PID1: variants seen among roughly 807,000 people sequenced by gnomAD.
PID1 encodes the protein PTB-containing, cubilin and LRP1-interacting protein.
A neutral mutation model predicts 19.1 loss-of-function variants in PID1; 10 were observed. That is an observed-to-expected ratio of 0.52 (90% CI 0.32 to 0.89). The LOEUF (loss-of-function observed/expected upper bound fraction) is 0.89. Ranked by LOEUF, PID1 falls within the 40% of genes least tolerant of loss-of-function variation. The pLI, the probability that PID1 is intolerant of heterozygous loss-of-function variation, is 0.03. For synonymous variants in PID1, 130 were observed against 116.0 expected (o/e 1.12, Z -0.78); for missense variants, 248 against 285.3 (o/e 0.87, Z 0.94).
At chr2:229,100,324 T>C (rs1695051441) in intron 2 of PID1, among the ~76,000 whole-genome samples, 1 of 152,192 alleles carries the variant, frequency 6.6e-6, no homozygotes, top group African/African-American at 2.4e-5. Flanking sequence ...ATTATATACA[T>C]TAACATTTTA....
At chr2:229,103,726 G>A (rs1287891889) in intron 2 of PID1, among the ~76,000 whole-genome samples, 6 of 151,884 alleles carry the variant, frequency 4.0e-5, no homozygotes, top group South Asian at 2.1e-4. Flanking sequence ...ACAGGTGCCC[G>A]CCACCATGCC....
chr2:229,178,457 G>GT (rs1035895406), intron 1 of PID1, among the ~76,000 whole-genome samples: 9 of 151,944 alleles, frequency 5.9e-5, no homozygotes, highest in South Asian at 4.2e-4. Context: ...TCTTCAATTA[G>GT]TTTTTTTTAA....
At chr2:229,118,603 G>A (rs1695456027) in intron 2 of PID1, among the ~76,000 whole-genome samples, 1 of 152,178 alleles carries the variant, frequency 6.6e-6, no homozygotes, top group Non-Finnish European at 1.5e-5. Context: ...CAAAGGGAAT[G>A]ATGAATAGGG....
intron 2 of PID1, among the ~76,000 whole-genome samples, chr2:229,140,172 A>G (rs1293186571): frequency 6.6e-6 from 1 of 152,206 alleles, no homozygotes; most frequent in Non-Finnish European, 1.5e-5. Context: ...TTCTATTTAT[A>G]GTTATTTTTA....
Position 229,109,946 on chromosome 2 carries a change from A to G in PID1, c.177+45872T>C, listed in dbSNP as rs115680390. The stretch of plus-strand genomic sequence containing the variant: ...GATATTCCACCTTATCATGCAGAAC[A>G]TATTAAAGAGGACTCCAATTAGTTA... On this transcript the variant is annotated intron_variant, in intron 2 of 2. Transcript: ENST00000392055. Among the ~76,000 whole-genome samples, 539 of 152,274 alleles carry G rather than the reference A, an allele frequency of 3.5e-3. 2 individuals carry two copies. Among genetic ancestry groups the G allele is most frequent in the Non-Finnish European group, 5.9e-3 (400 of 68,018 alleles).
rs564284072 is a variant in PID1 at position 229,204,431 on chromosome 2, G to T, written c.31-48467C>A. On this transcript the variant is annotated intron_variant, in intron 1 of 2. Transcript: ENST00000392055. ...AACATGGTAAAATGATCTTTGCAGG[G>T]ATCACTGACCTCTTGAAGAATCAGA... Among the ~76,000 whole-genome samples, 104 of 152,106 alleles carry T rather than the reference G, an allele frequency of 6.8e-4. 1 individual carries two copies. The South Asian group carries it at 0.021, about 31-fold the overall frequency.
intron 2 of PID1, among the ~76,000 whole-genome samples, chr2:229,096,340 C>A (rs1286944209): frequency 6.6e-6 from 1 of 152,106 alleles, no homozygotes; most frequent in Non-Finnish European, 1.5e-5. Context: ...ACTTTTTGGA[C>A]AGTGCCAGCA....
At chr2:229,037,612 C>A (rs1006209419) in intron 2 of PID1, among the ~76,000 whole-genome samples, 1 of 152,130 alleles carries the variant, frequency 6.6e-6, no homozygotes, top group Non-Finnish European at 1.5e-5. Flanking sequence ...TGAAGTGTGC[C>A]CCTGAAGACA....
intron 2 of PID1, among the ~76,000 whole-genome samples, chr2:229,033,405 A>C (rs1032975531): frequency 1.3e-4 from 20 of 152,290 alleles, no homozygotes; most frequent in African/African-American, 4.8e-4. Context: ...GAGATATAAA[A>C]GACTTTGCTG....
chr2:229,139,105 A>AAGAAAG (rs1553565792), intron 2 of PID1, among the ~76,000 whole-genome samples: 2 of 68,054 alleles, frequency 2.9e-5, no homozygotes, highest in African/African-American at 1.4e-4. Context: ...GAAAGAAAGA[A>AAGAAAG]AGAAAGAAAG....
At chr2:229,073,391 G>C (rs1035473039) in intron 2 of PID1, among the ~76,000 whole-genome samples, 1 of 152,190 alleles carries the variant, frequency 6.6e-6, no homozygotes, top group African/African-American at 2.4e-5. Context: ...GAGTTGAGAG[G>C]CAATTTATTG....
intron 1 of PID1, among the ~76,000 whole-genome samples, chr2:229,211,332 G>A (rs570264202): frequency 7.9e-5 from 12 of 152,022 alleles, no homozygotes; most frequent in South Asian, 2.1e-4. Flanking sequence ...TCACTTACTT[G>A]TTCATTCAGC....
intron 1 of PID1, among the ~76,000 whole-genome samples, chr2:229,210,525 CAAAAAAAAAAAAAA>C (rs1170895327): frequency 3.5e-3 from 54 of 15,552 alleles, no homozygotes; most frequent in African/African-American, 0.015. Flanking sequence ...AGTTTTGTCT[CAAAAAAAAAAAAAA>C]AAAAAAAAAA....
chr2:229,192,381 A>T (rs1319732020), intron 1 of PID1, among the ~76,000 whole-genome samples: 1 of 152,188 alleles, frequency 6.6e-6, no homozygotes, highest in East Asian at 1.9e-4. Context: ...GGTTGCTTCT[A>T]CTGTCCCAAC....
chr2:229,181,927 A>G (rs1690954488), intron 1 of PID1, among the ~76,000 whole-genome samples: 1 of 152,254 alleles, frequency 6.6e-6, no homozygotes, highest in Non-Finnish European at 1.5e-5. Flanking sequence ...ACTAAGTGAA[A>G]TGTATATTAC....
At chr2:229,224,919 T>C (rs1332224880) in intron 1 of PID1, among the ~76,000 whole-genome samples, 2 of 152,198 alleles carry the variant, frequency 1.3e-5, no homozygotes. Context: ...TTGCTGTTTT[T>C]CATCTGTAAG....
chr2:229,120,932 T>G (rs1695505599), intron 2 of PID1, among the ~76,000 whole-genome samples: 1 of 152,116 alleles, frequency 6.6e-6, no homozygotes, highest in South Asian at 2.1e-4. Context: ...CCTCTTTGCA[T>G]GGGTCTACTC....
At chr2:229,059,225 TTG>T (rs1355485401) in intron 2 of PID1, among the ~76,000 whole-genome samples, 20 of 152,198 alleles carry the variant, frequency 1.3e-4, no homozygotes, top group African/African-American at 4.6e-4. Flanking sequence ...TTAGTTAAAG[TTG>T]TACTATACAT....
chr2:229,248,409 G>A (rs769431136), intron 1 of PID1, among the ~76,000 whole-genome samples: 73 of 152,170 alleles, frequency 4.8e-4, no homozygotes, highest in Non-Finnish European at 4.4e-4. Flanking sequence ...CTCATTATGG[G>A]TGATGCTAAC....
Sources: allele counts gnomAD v4.1 joint callset (sites outside exome capture counted in the v4.1 genomes callset), GRCh38; gene constraint gnomAD v4.1.1; transcripts MANE v1.5; gene names NCBI Gene and HGNC (gene_info 2026-07-23, HGNC 2026-07-21).